ZDHHC14: variants seen among roughly 807,000 people sequenced by gnomAD.
ZDHHC14 encodes the protein zDHHC palmitoyltransferase 14, also known as palmitoyltransferase ZDHHC14.
In ZDHHC14, 16 loss-of-function variants were observed where a neutral mutation model predicts 47.7. The ratio of observed to expected loss-of-function variants is 0.34; its 90% CI spans 0.23 to 0.51. The LOEUF is 0.51. Ranked by LOEUF, ZDHHC14 falls within the 20% of genes least tolerant of loss-of-function variation. The probability of loss-of-function intolerance (pLI) is 0.97; values close to 1 mark genes in which losing one functional copy is unlikely to be tolerated. For synonymous variants in ZDHHC14, 293 were observed against 278.9 expected, an observed-to-expected ratio of 1.05 and a Z score of -0.50; for missense variants, 515 against 662.5, an observed-to-expected ratio of 0.78 and a Z score of 2.44.
At chr6:157,421,471 C>CT (rs1437339047) in intron 1 of ZDHHC14, among the ~76,000 whole-genome samples, 2 of 110,360 alleles carry the variant, frequency 1.8e-5, no homozygotes, top group African/African-American at 7.2e-5. Context: ...CCATCCTGGG[C>CT]TACAGAGCCA....
chr6:157,647,775 A>G (rs1777634732), intron 7 of ZDHHC14, among the ~76,000 whole-genome samples: 1 of 152,204 alleles, frequency 6.6e-6, no homozygotes, highest in Non-Finnish European at 1.5e-5. Flanking sequence ...TTTGCACACA[A>G]TAGAAATGTT....
chr6:157,387,611 T>G (rs1437070791), intron 1 of ZDHHC14, among the ~76,000 whole-genome samples: 1 of 152,222 alleles, frequency 6.6e-6, no homozygotes, highest in Non-Finnish European at 1.5e-5. Flanking sequence ...GAGCCAAGGA[T>G]GTTTATAACC....
intron 1 of ZDHHC14, among the ~76,000 whole-genome samples, chr6:157,517,429 GCC>G (rs1780736187): frequency 6.6e-6 from 1 of 151,802 alleles, no homozygotes; most frequent in African/African-American, 2.4e-5. Context: ...TCCTGCCTCA[GCC>G]TCCCGAGTAG....
At chr6:157,527,485 C>T (rs1327360350) in intron 1 of ZDHHC14, among the ~76,000 whole-genome samples, 2 of 152,152 alleles carry the variant, frequency 1.3e-5, no homozygotes, top group Admixed American at 1.3e-4. Context: ...TCATCTTGCA[C>T]CATGCAGCCT....
chr6:157,434,498 T>G (rs1364133179), intron 1 of ZDHHC14, among the ~76,000 whole-genome samples: 1 of 152,082 alleles, frequency 6.6e-6, no homozygotes, highest in Non-Finnish European at 1.5e-5. Context: ...GATGAGGCCA[T>G]TTCAGCTTGG....
chr6:157,671,606 T>C (rs688181), intron 8 of ZDHHC14, among the ~76,000 whole-genome samples: 113,756 of 151,650 alleles, frequency 0.75, 42,898 homozygotes, highest in African/African-American at 0.83. Flanking sequence ...CAGGGGTGCC[T>C]GTCGCATAGC....
At chr6:157,642,620 T>C (rs561153440) in intron 5 of ZDHHC14, among the ~76,000 whole-genome samples, 30 of 152,290 alleles carry the variant, frequency 2.0e-4, no homozygotes, top group African/African-American at 6.7e-4. Context: ...GTAGCTGCTA[T>C]GATTTGAAAC....
At chr6:157,579,837 G>A (rs1003909885) in intron 2 of ZDHHC14, among the ~76,000 whole-genome samples, 7 of 152,140 alleles carry the variant, frequency 4.6e-5, no homozygotes, top group Admixed American at 1.3e-4. Context: ...CCGCAAACAG[G>A]GAGAGTTTGA....
chr6:157,429,699 G>A (rs186953780), intron 1 of ZDHHC14, among the ~76,000 whole-genome samples: 16 of 152,220 alleles, frequency 1.1e-4, no homozygotes, highest in Admixed American at 9.8e-4. Flanking sequence ...GACTTGAAGG[G>A]CTGGATAAAG....
chr6:157,390,532 AT>A (rs1777401795), intron 1 of ZDHHC14, among the ~76,000 whole-genome samples: 1 of 151,916 alleles, frequency 6.6e-6, no homozygotes, highest in Admixed American at 6.6e-5. Flanking sequence ...ATATGACATC[AT>A]TTTATATAGT....
intron 1 of ZDHHC14, among the ~76,000 whole-genome samples, chr6:157,539,552 T>C (rs142612341): frequency 0.017 from 2,614 of 152,254 alleles, 82 homozygotes; most frequent in African/African-American, 0.059. Flanking sequence ...AAGCTGGCCG[T>C]TTCTATTTAA....
At chr6:157,549,987 A>G (rs1782154684) in intron 2 of ZDHHC14, among the ~76,000 whole-genome samples, 1 of 152,216 alleles carries the variant, frequency 6.6e-6, no homozygotes, top group African/African-American at 2.4e-5. Flanking sequence ...CAGCTCCAGA[A>G]AGCTGTCTTG....
At chr6:157,516,168 C>G (rs1171606570) in intron 1 of ZDHHC14, among the ~76,000 whole-genome samples, 1 of 152,182 alleles carries the variant, frequency 6.6e-6, no homozygotes, top group African/African-American at 2.4e-5. Context: ...TATGTTGTTT[C>G]ATGCAGCAAA....
chr6:157,658,548 G>A (rs1294401904), intron 8 of ZDHHC14, among the ~76,000 whole-genome samples: 1 of 151,904 alleles, frequency 6.6e-6, no homozygotes, highest in East Asian at 1.9e-4. Context: ...ACACAGGATT[G>A]GGGGTGTGCT....
chr6:157,386,226 G>A (rs1049173173), intron 1 of ZDHHC14, among the ~76,000 whole-genome samples: 7 of 152,130 alleles, frequency 4.6e-5, no homozygotes, highest in Non-Finnish European at 5.9e-5. Context: ...TAAAAACCTG[G>A]CCGGGCACAG....
At chr6:157,440,960 C>T (rs1237796201) in intron 1 of ZDHHC14, among the ~76,000 whole-genome samples, 4 of 152,006 alleles carry the variant, frequency 2.6e-5, no homozygotes, top group Non-Finnish European at 5.9e-5. Context: ...GTAATTTTAC[C>T]ATATATGAAT....
chr6:157,550,646 G>A (rs1188591252), intron 2 of ZDHHC14, among the ~76,000 whole-genome samples: 2 of 152,210 alleles, frequency 1.3e-5, no homozygotes, highest in African/African-American at 4.8e-5. Context: ...GTCACATAGG[G>A]ATTCTAGCGA....
In ZDHHC14 at chr6:157,673,111, A is replaced by G; in HGVS notation, c.1456A>G (p.Ser486Gly). Residue 486 changes from serine to glycine, a missense_variant, in exon 9 of 9, where the codon AGC (serine) becomes GGC (glycine). By Grantham distance (56) the Ser-to-Gly change is moderately conservative. Around this residue, in one of 4 missense-constraint regions of ZDHHC14, gnomAD observed 221 missense variants for 233.6 expected, o/e 0.95. Transcript: ENST00000359775. This position sits in a 1 kb window ranked among gnomAD's most constrained non-coding sequence, Gnocchi z 5.4. ...EDSVRGLVKL[S>G]SV ...CTCTGTGCGCGGCCTGGTGAAGCTC[A>G]GCTCCGTGTGACCCACATGGCCCCA... 1 of 1,573,296 alleles carries G rather than the reference A, an allele frequency of 6.4e-7. No homozygotes were observed. The highest frequency in any genetic ancestry group is 8.6e-7 in the Non-Finnish European group (1 of 1,168,626).
In ZDHHC14 at chr6:157,469,672, A is replaced by G. The variant is rs138394600; in HGVS notation, c.246-72913A>G. Among the ~76,000 whole-genome samples, 3 of 152,330 alleles carry G rather than the reference A, an allele frequency of 2.0e-5. No individual in the cohort carries two copies. The East Asian group carries it at 5.8e-4, about 29-fold the overall frequency. On this transcript the variant is annotated intron_variant, in intron 1 of 8. Transcript: ENST00000359775. The stretch of plus-strand genomic sequence containing the variant: ...TGTCAAATGTTGAGGTCATCGTGGC[A>G]GAGGGAGAGAGTCCTGGAGGATACT...
Sources: allele counts gnomAD v4.1 joint callset (sites outside exome capture counted in the v4.1 genomes callset), GRCh38; gene constraint gnomAD v4.1.1; regional missense constraint gnomAD v4.1.1; non-coding constraint Gnocchi (gnomAD v3.1); transcripts MANE v1.5; gene names NCBI Gene and HGNC (gene_info 2026-07-23, HGNC 2026-07-21).